GASK1A: variants seen among roughly 807,000 people sequenced by gnomAD.
The protein encoded by GASK1A is golgi associated kinase 1A, also known as Golgi-associated kinase 1A.
A neutral mutation model predicts 41.2 loss-of-function variants in GASK1A; 40 were observed. That is an observed-to-expected ratio of 0.97 (90% CI 0.75 to 1.27). The LOEUF (loss-of-function observed/expected upper bound fraction) is 1.27. Among genes scored for constraint, GASK1A ranks in the 50% most tolerant of loss-of-function variants. The pLI is 0.00. For synonymous variants in GASK1A, 316 were observed against 307.1 expected, an observed-to-expected ratio of 1.03 and a Z score of -0.30; for missense variants, 678 against 745.1, an observed-to-expected ratio of 0.91 and a Z score of 1.05.
chr3:43,007,761 A>G (rs184028952), intron 1 of GASK1A, among the ~76,000 whole-genome samples: 3 of 152,342 alleles, frequency 2.0e-5, no homozygotes, highest in Admixed American at 2.0e-4. Context: ...GAGGAAAGAA[A>G]GAGAATAGCA....
At chr3:43,046,550 A>G (rs1181656789) in intron 2 of GASK1A, among the ~76,000 whole-genome samples, 2 of 152,270 alleles carry the variant, frequency 1.3e-5, no homozygotes, top group Non-Finnish European at 2.9e-5. Context: ...AGAGCATAAA[A>G]GTTTGGAAAA....
At chr3:43,051,451 T>C (rs1238466785) in intron 2 of GASK1A, among the ~76,000 whole-genome samples, 1 of 152,180 alleles carries the variant, frequency 6.6e-6, no homozygotes, top group Admixed American at 6.5e-5. Flanking sequence ...CATTTGTGCT[T>C]GTATAGTCTC....
intron 1 of GASK1A, among the ~76,000 whole-genome samples, chr3:42,980,129 A>G (rs537998673): frequency 1.3e-5 from 2 of 152,218 alleles, no homozygotes; most frequent in Admixed American, 6.5e-5. Context: ...CTAAATTAAC[A>G]TTGAGTTAAA....
intron 1 of GASK1A, among the ~76,000 whole-genome samples, chr3:43,001,824 C>A (rs2089410850): frequency 6.6e-6 from 1 of 152,092 alleles, no homozygotes; most frequent in South Asian, 2.1e-4. Flanking sequence ...GGGAGGCTTC[C>A]TGTGAGGTGG....
At chr3:43,016,135 T>G (rs2125681391) in intron 1 of GASK1A, among the ~76,000 whole-genome samples, 1 of 141,850 alleles carries the variant, frequency 7.0e-6, no homozygotes, top group Non-Finnish European at 1.5e-5. Context: ...GGAAGGGGCA[T>G]AGGAAGTCAC....
intron 1 of GASK1A, among the ~76,000 whole-genome samples, chr3:43,018,871 G>T (rs2089507441): frequency 6.6e-6 from 1 of 152,144 alleles, no homozygotes; most frequent in Non-Finnish European, 1.5e-5. Context: ...TGGAGCAGGG[G>T]CTTTACGTGG....
At chr3:43,028,361 A>C (rs1468273265) in intron 1 of GASK1A, among the ~76,000 whole-genome samples, 1 of 152,228 alleles carries the variant, frequency 6.6e-6, no homozygotes, top group Non-Finnish European at 1.5e-5. Context: ...TAACTTTGGA[A>C]GGCCCTTGGC....
At chr3:43,042,866 G>A (rs1291694125) in intron 2 of GASK1A, among the ~76,000 whole-genome samples, 1 of 152,190 alleles carries the variant, frequency 6.6e-6, no homozygotes, top group African/African-American at 2.4e-5. Context: ...AAGCAGTCTA[G>A]GTGTTCCCTC....
chr3:42,991,311 G>A (rs1368344855), intron 1 of GASK1A, among the ~76,000 whole-genome samples: 1 of 152,054 alleles, frequency 6.6e-6, no homozygotes, highest in Non-Finnish European at 1.5e-5. Context: ...TGGCCAATCG[G>A]TCTTTTTCTT....
intron 1 of GASK1A, among the ~76,000 whole-genome samples, chr3:42,990,147 G>T (rs541591813): frequency 1.3e-5 from 2 of 151,922 alleles, no homozygotes; most frequent in Non-Finnish European, 1.5e-5. Context: ...GGGCAACATA[G>T]ACTTTTGTCT....
intron 2 of GASK1A, among the ~76,000 whole-genome samples, chr3:43,036,696 A>G (rs2089606437): frequency 6.6e-6 from 1 of 152,180 alleles, no homozygotes; most frequent in Non-Finnish European, 1.5e-5. Context: ...TGAGGTGGAA[A>G]AAAAGGAAAA....
intron 2 of GASK1A, among the ~76,000 whole-genome samples, chr3:43,036,376 G>A (rs148162286): frequency 3.3e-5 from 5 of 152,244 alleles, no homozygotes; most frequent in Admixed American, 6.5e-5. Flanking sequence ...CCAGGGCCTG[G>A]GTACAAACTG....
chr3:42,997,556 C>G (rs2089383492), intron 1 of GASK1A, among the ~76,000 whole-genome samples: 1 of 152,072 alleles, frequency 6.6e-6, no homozygotes, highest in Non-Finnish European at 1.5e-5. Flanking sequence ...ATGGGCTGTT[C>G]TGGCCCTCAC....
intron 1 of GASK1A, among the ~76,000 whole-genome samples, chr3:42,987,774 A>G (rs982954927): frequency 1.3e-5 from 2 of 151,998 alleles, no homozygotes; most frequent in Non-Finnish European, 2.9e-5. Context: ...TGAGGTGGAC[A>G]GATCACCTGA....
intron 1 of GASK1A, among the ~76,000 whole-genome samples, chr3:43,029,429 A>T (rs1225231475): frequency 6.6e-6 from 1 of 152,102 alleles, no homozygotes; most frequent in Non-Finnish European, 1.5e-5. Context: ...TGACATGGAC[A>T]GGAGGAGGAG....
chr3:43,055,810 T>A (rs1036952843), intron 4 of GASK1A: 4 of 485,618 alleles, frequency 8.2e-6, no homozygotes, highest in Non-Finnish European at 1.5e-5. Context: ...TTGTTCTGGG[T>A]GAGAGAGCTA....
In GASK1A at chr3:43,032,323, C is replaced by T. The variant is rs1157213404; in HGVS notation, c.60C>T (p.Cys20=). ...AGAGGCGGCCAGTGATAGCGTTCTG[C>T]CTCTTGATGATCCTATCTGCGATGG... ...RGKRRPVIAF[C]LLMILSAMAV... Residue 20 remains cysteine (C), a synonymous_variant, in exon 2 of 5, where the codon TGC becomes TGT. Coordinates refer to ENST00000430121, the MANE Select transcript of GASK1A (RefSeq NM_001129908.3). 1 of 1,550,004 alleles carries T rather than the reference C, an allele frequency of 6.5e-7. No individual in the cohort carries two copies. The highest frequency in any genetic ancestry group is 8.7e-7 in the Non-Finnish European group (1 of 1,145,802).
At chr3:43,042,965 G>A (rs1221971184) in intron 2 of GASK1A, among the ~76,000 whole-genome samples, 1 of 152,126 alleles carries the variant, frequency 6.6e-6, no homozygotes, top group African/African-American at 2.4e-5. Context: ...AGTCAGTGCC[G>A]AGTAACTCCC....
intron 2 of GASK1A, among the ~76,000 whole-genome samples, chr3:43,034,893 G>A (rs958303506): frequency 6.6e-6 from 1 of 152,098 alleles, no homozygotes; most frequent in Non-Finnish European, 1.5e-5. Flanking sequence ...TTTATTGTCC[G>A]ACACTCACCT....
Sources: allele counts gnomAD v4.1 joint callset (sites outside exome capture counted in the v4.1 genomes callset), GRCh38; gene constraint gnomAD v4.1.1; transcripts MANE v1.5; gene names NCBI Gene and HGNC (gene_info 2026-07-23, HGNC 2026-07-21).